The following SPTBN2 variants were observed in gnomAD, a reference collection of about 807,000 sequenced individuals.
SPTBN2 encodes the protein spectrin beta chain, non-erythrocytic 2.
A neutral mutation model predicts 284.2 loss-of-function variants in SPTBN2; 107 were observed. The observed-to-expected ratio is 0.38, with a 90% CI of 0.32 to 0.44. The LOEUF is 0.44. Among genes scored for constraint, SPTBN2 ranks in the 20% least tolerant of loss-of-function variants. The pLI, the probability that SPTBN2 is intolerant of heterozygous loss-of-function variation, is 1.00. For missense variants in SPTBN2, 2,569 were observed against 3,287.1 expected, an observed-to-expected ratio of 0.78 and a Z score of 5.34; for synonymous variants, 1,289 against 1,354.8, an observed-to-expected ratio of 0.95 and a Z score of 1.07.
At chr11:66,714,515 G>A (rs1942045134) in intron 5 of SPTBN2, 108 bp from the exon 6 acceptor site, 2 of 986,076 alleles carry the variant, frequency 2.0e-6, no homozygotes, top group African/African-American at 1.6e-5. Flanking sequence ...GTGGTAATGG[G>A]GTGGACAGGC....
At chr11:66,690,007 C>G (rs1940430443) in intron 28 of SPTBN2, 32 bp downstream of exon 28, 1 of 1,614,114 alleles carries the variant, frequency 6.2e-7, no homozygotes, top group African/African-American at 1.3e-5. Context: ...AGCCACACAA[C>G]CCGTGGAGGC....
At chr11:66,690,650 GCTTA>G (rs1342413877) in intron 27 of SPTBN2, among the ~76,000 whole-genome samples, 5 of 152,174 alleles carry the variant, frequency 3.3e-5, no homozygotes, top group Admixed American at 6.5e-5. Context: ...AAGGATCCAT[GCTTA>G]CTGAGTGTGA....
Position 66,696,389 on chromosome 11 carries a change from G to A in SPTBN2, c.4166C>T (p.Ala1389Val). 6.2e-7 allele frequency: 1 copy of A among 1,613,330 alleles called. No individual in the cohort carries two copies. The highest frequency in any genetic ancestry group is 8.5e-7 in the Non-Finnish European group (1 of 1,180,024). ...LFDANRAELFAQSCCALESWL... is the reference protein window; with the variant it reads ...LFDANRAELFVQSCCALESWL... The stretch of plus-strand genomic sequence containing the variant: ...GCTCTCCAGGGCACAGCAGCTCTGG[G>A]CAAACAGCTCAGCTCGGTTGGCATC... Residue 1389 changes from alanine (A) to valine (V), a missense_variant, in exon 21 of 38, where the codon GCC becomes GTC. By Grantham distance (64) the Ala-to-Val change is moderately conservative. Transcript: ENST00000533211.
Position 66,699,626 on chromosome 11 carries a change from C to T in SPTBN2, c.3574-18G>A. On this transcript the variant is annotated intron_variant, in intron 17 of 37. Transcript: ENST00000533211. Reference sequence around the variant, plus strand: ...ACATATTCCTGTGTGGGAGGGATGACATTCAGCTCATTTTCCCCAGCACAA... The same window carrying T: ...ACATATTCCTGTGTGGGAGGGATGATATTCAGCTCATTTTCCCCAGCACAA... 3.7e-6 allele frequency: 6 copies of T among 1,613,238 alleles called. No individual in the cohort carries two copies. Among genetic ancestry groups the T allele is most frequent in the Non-Finnish European group, 5.1e-6 (6 of 1,179,588 alleles).
intron 31 of SPTBN2, 133 bp from the exon 32 acceptor site, chr11:66,688,444 G>A (rs1940303795): frequency 6.5e-7 from 1 of 1,527,534 alleles, no homozygotes; most frequent in Non-Finnish European, 8.8e-7. Flanking sequence ...AGAAGATGGT[G>A]GGGACAAGAA....
intron 17 of SPTBN2, 53 bp from the exon 18 acceptor site, chr11:66,699,661 CT>C: frequency 6.3e-7 from 1 of 1,594,890 alleles, no homozygotes; most frequent in Non-Finnish European, 8.6e-7. Flanking sequence ...ATTCACCCCC[CT>C]AGGAGGGACC....
At chr11:66,688,557 C>A in intron 31 of SPTBN2, 96 bp downstream of exon 31, 2 of 1,527,786 alleles carry the variant, frequency 1.3e-6, no homozygotes, top group Non-Finnish European at 1.8e-6. Context: ...GCCACTGGTG[C>A]AGTGGGAAGA....
Position 66,691,756 on chromosome 11 carries a change from C to A in SPTBN2, c.5191-98G>T. ...CCTCCACTCCAAACTCAGAACCCACCTCTCCCCGCTGCATGGGGGCCGGGA... is the reference window on the plus strand; with the variant it reads ...CCTCCACTCCAAACTCAGAACCCACATCTCCCCGCTGCATGGGGGCCGGGA... On this transcript the variant is annotated intron_variant, in intron 26 of 37. Transcript: ENST00000533211. This position sits in a 1 kb window ranked among gnomAD's most constrained non-coding sequence, Gnocchi z 8.0. The A allele has an allele frequency of 6.4e-7, 1 of 1,560,372 alleles. No homozygotes were observed. Among genetic ancestry groups the A allele is most frequent in the Non-Finnish European group, 8.7e-7 (1 of 1,146,596 alleles).
rs779916687 is a variant in SPTBN2, at chr11:66,691,617, G to A, written c.5232C>T (p.Ser1744=). The A allele has an allele frequency of 6.2e-6, 10 of 1,613,790 alleles. No individual in the cohort carries two copies. In the African/African-American group the frequency reaches 1.2e-4, roughly 19 times the overall value. Residue 1744 remains serine (S), a synonymous_variant, in exon 27 of 38, where the codon AGC becomes AGT. Transcript: ENST00000533211. The surrounding 1 kb of genome is among the most constrained non-coding windows in gnomAD (Gnocchi z 8.0). ...DKFREFSRDT[S]TIGQERVDSA... ...TATCTACGCGCTCCTGACCGATGGTGCTTGTGTCCCGGGAGAACTCTCGGA... is the reference window on the plus strand; with the variant it reads ...TATCTACGCGCTCCTGACCGATGGTACTTGTGTCCCGGGAGAACTCTCGGA...
chr11:66,694,635 A>G (rs1940798472), intron 21 of SPTBN2, among the ~76,000 whole-genome samples: 1 of 152,242 alleles, frequency 6.6e-6, no homozygotes, highest in African/African-American at 2.4e-5. Context: ...ATCACACAAT[A>G]TAACTTATAA....
intron 15 of SPTBN2, among the ~76,000 whole-genome samples, chr11:66,702,569 T>C (rs1236088459): frequency 6.6e-6 from 1 of 152,208 alleles, no homozygotes; most frequent in Non-Finnish European, 1.5e-5. Flanking sequence ...GCGGCAACTA[T>C]TCAGCCCTGC....
In SPTBN2 at chr11:66,715,094, A is replaced by C; in HGVS notation, c.483+128T>G. 3 of 1,203,692 alleles carry C rather than the reference A, an allele frequency of 2.5e-6. No homozygotes were observed. Among genetic ancestry groups the C allele is most frequent in the Non-Finnish European group, 3.6e-6 (3 of 833,940 alleles). 74.6% of individuals were successfully genotyped at this position (1,203,692 alleles called of 1,614,324 possible). On this transcript the variant is annotated intron_variant, in intron 5 of 37. Coordinates refer to ENST00000533211, the MANE Select transcript of SPTBN2 (RefSeq NM_006946.4). This position sits in a 1 kb window ranked among gnomAD's most constrained non-coding sequence, Gnocchi z 5.3. ...GATCTGGTGCTTGGATAGCGCCGCC[A>C]TGGCAGCTGCTACATAAGGTTCTAG... is the stretch of plus-strand genomic sequence containing the variant.
chr11:66,711,096 A>G (rs1941837299), intron 8 of SPTBN2, 67 bp from the exon 9 acceptor site: 2 of 1,344,612 alleles, frequency 1.5e-6, no homozygotes, highest in Non-Finnish European at 2.1e-6. Context: ...CACTTACCCC[A>G]AACCCTGGGC....
At chr11:66,703,211 C>G (rs375282321) in intron 15 of SPTBN2, among the ~76,000 whole-genome samples, 10 of 151,858 alleles carry the variant, frequency 6.6e-5, no homozygotes, top group East Asian at 4.0e-4. Flanking sequence ...TCCCCAGTAG[C>G]TGGGACTACA....
At chr11:66,716,206 G>A (rs561345693) in intron 3 of SPTBN2, among the ~76,000 whole-genome samples, 1 of 152,178 alleles carries the variant, frequency 6.6e-6, no homozygotes, top group Non-Finnish European at 1.5e-5. Context: ...GGCGAAGGTT[G>A]GGTGTGGTGG....
chr11:66,703,299 T>C (rs895744359), intron 15 of SPTBN2, among the ~76,000 whole-genome samples: 3 of 151,972 alleles, frequency 2.0e-5, no homozygotes, highest in Non-Finnish European at 4.4e-5. Flanking sequence ...CCAGGCTGGT[T>C]ATGAACTCTT....
Position 66,692,646 on chromosome 11 carries a change from G to T in SPTBN2, c.5080C>A (p.Leu1694Ile), listed in dbSNP as rs766484308. 5 of 1,605,374 alleles carry T rather than the reference G, an allele frequency of 3.1e-6. 1 individual carries two copies. The highest frequency in any genetic ancestry group is 4.2e-6 in the Non-Finnish European group (5 of 1,179,938). ...GERRERLQEH[L>I]RLCQLRRELD... ...TCGCGGCGGAGCTGGCACAGCCGGAGGTGCTCCTGCAGGCGCTCCCGCCGC... is the reference window on the plus strand; with the variant it reads ...TCGCGGCGGAGCTGGCACAGCCGGATGTGCTCCTGCAGGCGCTCCCGCCGC... Residue 1694 changes from leucine (L) to isoleucine (I), a missense_variant, in exon 26 of 38, where the codon CTC (leucine) becomes ATC (isoleucine). This residue lies in a region of SPTBN2 where 1,130 missense variants were observed against 1,317.3 expected (regional missense o/e 0.86). Transcript: ENST00000533211.
Position 66,708,391 on chromosome 11 carries a change from C to A in SPTBN2, c.1192-92G>T. 2 of 1,312,740 alleles carry A rather than the reference C, an allele frequency of 1.5e-6. No homozygotes were observed. Among genetic ancestry groups the A allele is most frequent in the South Asian group, 3.1e-5 (2 of 65,314 alleles). The allele number at this position is 1,312,740 out of a possible 1,614,324, so 81.3% of individuals were successfully genotyped here. On this transcript the variant is annotated intron_variant, in intron 11 of 37. Coordinates refer to ENST00000533211, the MANE Select transcript of SPTBN2 (RefSeq NM_006946.4). The surrounding 1 kb of genome is among the most constrained non-coding windows in gnomAD (Gnocchi z 4.4). The stretch of plus-strand genomic sequence containing the variant: ...ATGGTAAGTCCCATGGAAGCTCGGT[C>A]TGGTGGATCCGTGGAATGCAGTGGG...
intron 21 of SPTBN2, among the ~76,000 whole-genome samples, chr11:66,695,905 T>C (rs1456597673): frequency 6.6e-6 from 1 of 151,972 alleles, no homozygotes; most frequent in Admixed American, 6.6e-5. Context: ...CCTGGCTAAT[T>C]TTTGTATTTT....
Sources: gnomAD v4.1 joint callset for allele counts (sites outside exome capture counted in the v4.1 genomes callset) on GRCh38, gnomAD v4.1.1 for gene constraint, gnomAD v4.1.1 regional missense constraint, Gnocchi (gnomAD v3.1) non-coding constraint, MANE v1.5 for transcripts, NCBI Gene and HGNC (gene_info 2026-07-23, HGNC 2026-07-21) for gene names.